JADE1: variants seen among roughly 807,000 people sequenced by gnomAD.
JADE1 encodes the protein protein Jade-1.
A neutral mutation model predicts 81.8 loss-of-function variants in JADE1; 14 were observed. That is an observed-to-expected ratio of 0.17 (90% CI 0.11 to 0.27). The LOEUF (loss-of-function observed/expected upper bound fraction) is 0.27. Ranked by LOEUF, JADE1 falls within the 10% of genes least tolerant of loss-of-function variation. The pLI, the probability that JADE1 is intolerant of heterozygous loss-of-function variation, is 1.00. For missense variants in JADE1, 690 were observed against 1,047.9 expected (o/e 0.66, Z 4.71); for synonymous variants, 353 against 391.9 (o/e 0.90, Z 1.17).
chr4:128,857,302 C>A (rs372979071), intron 7 of JADE1, 36 bp from the exon 8 acceptor site: 3 of 1,525,152 alleles, frequency 2.0e-6, no homozygotes, highest in Middle Eastern at 1.7e-4. Flanking sequence ...CTTTGACGAC[C>A]TGAGCCACCC....
chr4:128,868,987 A>T (rs1731987900), intron 10 of JADE1, among the ~76,000 whole-genome samples: 1 of 152,106 alleles, frequency 6.6e-6, no homozygotes, highest in Admixed American at 6.5e-5. Context: ...CTCCATCTAG[A>T]TTATTATGGT....
At chr4:128,820,581 TGATGAA>T (rs1727474828) in intron 1 of JADE1, among the ~76,000 whole-genome samples, 1 of 152,196 alleles carries the variant, frequency 6.6e-6, no homozygotes, top group Admixed American at 6.5e-5. Context: ...TGTACAATTG[TGATGAA>T]ACGTTTGTTT....
chr4:128,817,403 T>C (rs1727141889), intron 1 of JADE1, among the ~76,000 whole-genome samples: 1 of 152,184 alleles, frequency 6.6e-6, no homozygotes, highest in Admixed American at 6.5e-5. Context: ...ATTTTGAGAA[T>C]TCATGGCATC....
In JADE1 at chr4:128,846,307, G is replaced by A. The variant is rs1378560237; in HGVS notation, c.139-68G>A. ...TACATGGCAGCTCCATGGTTACATTGCAGCTGCCAGCACTCTGAATAAGAA... is the reference window on the plus strand; with the variant it reads ...TACATGGCAGCTCCATGGTTACATTACAGCTGCCAGCACTCTGAATAAGAA... On this transcript the variant is annotated intron_variant, in intron 3 of 10. Transcript: ENST00000226319. The surrounding 1 kb of genome is among the most constrained non-coding windows in gnomAD (Gnocchi z 4.0). 1.4e-6 allele frequency: 2 copies of A among 1,467,392 alleles called. No individual in the cohort carries two copies. Among genetic ancestry groups the A allele is most frequent in the Non-Finnish European group, 1.9e-6 (2 of 1,057,468 alleles). 90.9% of individuals were successfully genotyped at this position (1,467,392 alleles called of 1,614,324 possible).
At chr4:128,869,078 G>T (rs1731995320) in intron 10 of JADE1, among the ~76,000 whole-genome samples, 1 of 152,180 alleles carries the variant, frequency 6.6e-6, no homozygotes, top group Non-Finnish European at 1.5e-5. Flanking sequence ...TGTGCGACTA[G>T]AGGGAGCTCG....
At chr4:128,816,779 G>A (rs1381337740) in intron 1 of JADE1, among the ~76,000 whole-genome samples, 1 of 152,166 alleles carries the variant, frequency 6.6e-6, no homozygotes, top group Non-Finnish European at 1.5e-5. Flanking sequence ...TTCAGGTAGA[G>A]GTAGGACATA....
At chr4:128,810,966 C>T (rs1726298403) in intron 1 of JADE1, among the ~76,000 whole-genome samples, 1 of 152,142 alleles carries the variant, frequency 6.6e-6, no homozygotes, top group Admixed American at 6.5e-5. Flanking sequence ...GGGGTGGGGT[C>T]TCTTGGTCTC....
Position 128,859,525 on chromosome 4 carries a change from GTGTA to G in JADE1, c.981+2075_981+2078del, listed in dbSNP as rs372232853. Among the ~76,000 whole-genome samples the G allele has an allele frequency of 7.3e-4, 111 of 151,240 alleles. 2 individuals carry two copies. The South Asian group carries it at 0.019, about 26-fold the overall frequency. On this transcript the variant is annotated intron_variant, in intron 8 of 10. Coordinates refer to ENST00000226319, the MANE Select transcript of JADE1 (RefSeq NM_199320.4). ...TGTGTGTATGCGTGTGAGTATGCTT[GTGTA>G]TGTGTGTATGCATGCGTGTATATGT... is the stretch of plus-strand genomic sequence containing the variant.
chr4:128,859,646 TGCA>T (rs1731157195), intron 8 of JADE1, among the ~76,000 whole-genome samples: 1 of 152,228 alleles, frequency 6.6e-6, no homozygotes. Flanking sequence ...GGAAACAGGC[TGCA>T]GCAGACCACA....
intron 1 of JADE1, among the ~76,000 whole-genome samples, chr4:128,813,657 G>A (rs149836670): frequency 6.6e-6 from 1 of 151,742 alleles, no homozygotes; most frequent in African/African-American, 2.4e-5. Flanking sequence ...TCCTGACCTC[G>A]TGATCCGCCC....
chr4:128,848,414 A>C (rs1200459921), intron 4 of JADE1, among the ~76,000 whole-genome samples: 2 of 151,930 alleles, frequency 1.3e-5, no homozygotes, highest in African/African-American at 2.4e-5. Flanking sequence ...CCTGACCTCA[A>C]ATGATCCGCC....
intron 1 of JADE1, among the ~76,000 whole-genome samples, chr4:128,819,192 AGTTT>A (rs1727322962): frequency 1.3e-5 from 2 of 151,822 alleles, no homozygotes; most frequent in Admixed American, 1.3e-4. Flanking sequence ...TGAAATTAGA[AGTTT>A]GTTTGGAGGT....
At chr4:128,835,988 G>A (rs1560743613) in intron 2 of JADE1, among the ~76,000 whole-genome samples, 2 of 152,218 alleles carry the variant, frequency 1.3e-5, no homozygotes, top group African/African-American at 4.8e-5. Context: ...AATAATGTTG[G>A]GGTGTTTGCA....
rs572829643 is a variant in JADE1 at position 128,821,071 on chromosome 4, A to G, written c.-26-10662A>G. 7.9e-5 allele frequency among the ~76,000 whole-genome samples: 12 copies of G among 152,328 alleles called. No individual in the cohort carries two copies. In the South Asian group the frequency reaches 2.5e-3, roughly 32 times the overall value. On this transcript the variant is annotated intron_variant, in intron 1 of 10. Transcript: ENST00000226319. Reference sequence around the variant, plus strand: ...GTCTAATGAGCTTTTAGAGTTTGATATGAAGTGTGTAGGTTTGTATTATAG... The same window carrying G: ...GTCTAATGAGCTTTTAGAGTTTGATGTGAAGTGTGTAGGTTTGTATTATAG...
intron 2 of JADE1, among the ~76,000 whole-genome samples, chr4:128,840,268 G>T (rs189772575): frequency 6.6e-6 from 1 of 152,328 alleles, no homozygotes; most frequent in African/African-American, 2.4e-5. Flanking sequence ...CTCAGGAAGA[G>T]ACAAGAGGGT....
chr4:128,827,992 GCCT>G (rs1728218465), intron 1 of JADE1: 1 of 519,640 alleles, frequency 1.9e-6, no homozygotes, highest in Admixed American at 6.4e-5. Flanking sequence ...AGTCTTACCA[GCCT>G]CCTCTGACTC....
intron 1 of JADE1, among the ~76,000 whole-genome samples, chr4:128,823,202 T>G (rs1032107073): frequency 1.1e-4 from 16 of 152,174 alleles, no homozygotes; most frequent in African/African-American, 3.1e-4. Flanking sequence ...GACTCTTAAT[T>G]GAGTCAGCAA....
chr4:128,828,640 T>C (rs1728268365), intron 1 of JADE1, among the ~76,000 whole-genome samples: 1 of 152,210 alleles, frequency 6.6e-6, no homozygotes, highest in African/African-American at 2.4e-5. Flanking sequence ...ATAATTTTGC[T>C]TAAGAGAGTA....
chr4:128,870,526 TG>T (rs1298382049), intron 10 of JADE1, among the ~76,000 whole-genome samples: 1 of 152,110 alleles, frequency 6.6e-6, no homozygotes. Context: ...AACTCATTAG[TG>T]GGTTGTGAGA....
Sources: gnomAD v4.1 joint callset for allele counts (sites outside exome capture counted in the v4.1 genomes callset) on GRCh38, gnomAD v4.1.1 for gene constraint, Gnocchi (gnomAD v3.1) non-coding constraint, MANE v1.5 for transcripts, NCBI Gene and HGNC (gene_info 2026-07-23, HGNC 2026-07-21) for gene names.